The following SPNS3 variants were observed in gnomAD, a reference collection of about 807,000 sequenced individuals.
The protein encoded by SPNS3 is SPNS lysolipid transporter 3, sphingosine-1-phosphate (putative), also known as protein spinster homolog 3.
Under a neutral mutation model 54.4 loss-of-function variants are expected in SPNS3, and 51 were observed. The ratio of observed to expected loss-of-function variants is 0.94; its 90% CI spans 0.75 to 1.18. The LOEUF (loss-of-function observed/expected upper bound fraction) is 1.18. SPNS3 is among the 50% of genes most tolerant of loss of function. SPNS3 has a pLI of 0.00. For synonymous variants in SPNS3, 309 were observed against 294.7 expected (o/e 1.05, Z -0.50); for missense variants, 669 against 677.4 (o/e 0.99, Z 0.14).
chr17:4,459,333 T>A (rs1190057705), intron 8 of SPNS3, among the ~76,000 whole-genome samples: 1 of 151,690 alleles, frequency 6.6e-6, no homozygotes, highest in African/African-American at 2.4e-5. Flanking sequence ...GAGTGAAGAG[T>A]CGAGTGACAA....
chr17:4,465,831 C>G (rs1971661777), intron 8 of SPNS3, among the ~76,000 whole-genome samples: 1 of 152,250 alleles, frequency 6.6e-6, no homozygotes, highest in African/African-American at 2.4e-5. Flanking sequence ...AAAATGCAAT[C>G]TCCCATCATG....
At chr17:4,467,521 T>C (rs1055995401) in intron 8 of SPNS3, among the ~76,000 whole-genome samples, 2 of 152,080 alleles carry the variant, frequency 1.3e-5, no homozygotes, top group Admixed American at 1.3e-4. Context: ...GTGTGGCCGT[T>C]CACCCTCCCC....
At chr17:4,469,212 A>G (rs1253543403) in intron 8 of SPNS3, among the ~76,000 whole-genome samples, 4 of 151,996 alleles carry the variant, frequency 2.6e-5, no homozygotes, top group African/African-American at 9.7e-5. Context: ...CAGCCTTCTG[A>G]GTAGCTGGGA....
chr17:4,433,963 C>A lies in SPNS3; in HGVS notation c.-5C>A. 6.6e-7 allele frequency: 1 copy of A among 1,520,844 alleles called. No homozygotes were observed. Among genetic ancestry groups the A allele is most frequent in the Non-Finnish European group, 8.8e-7 (1 of 1,133,846 alleles). The allele number at this position is 1,520,844 out of a possible 1,614,324, so 94.2% of individuals were successfully genotyped here. ...CCAGTCTCAGGCCAAGAGCTGCAGGCTGGCATGGCTGGGGGGATGTCAGCG... is the reference window on the plus strand; with the variant it reads ...CCAGTCTCAGGCCAAGAGCTGCAGGATGGCATGGCTGGGGGGATGTCAGCG... On this transcript the variant is annotated 5_prime_UTR_variant, in exon 1 of 12. In the 5' UTR this introduces an upstream ATG that the reference lacks. Coordinates refer to ENST00000355530, the MANE Select transcript of SPNS3 (RefSeq NM_182538.5).
chr17:4,467,960 G>A (rs909543562), intron 8 of SPNS3, among the ~76,000 whole-genome samples: 2 of 152,154 alleles, frequency 1.3e-5, no homozygotes, highest in Non-Finnish European at 2.9e-5. Context: ...CATGGGCGAC[G>A]GCGCCTGGCT....
Position 4,439,858 on chromosome 17 carries a change from T to G in SPNS3, c.265+135T>G, listed in dbSNP as rs78337983. The G allele has an allele frequency of 5.7e-3, 4,311 of 752,132 alleles. 114 individuals carry two copies. The African/African-American group carries it at 0.065, about 11-fold the overall frequency. 46.6% of individuals were successfully genotyped at this position (752,132 alleles called of 1,614,324 possible). ...ACAGAGGGTGGGTGGGGTATGGGCC[T>G]GAGGGACAGTCTAGGCAGGAGCAGG... On this transcript the variant is annotated intron_variant, in intron 2 of 11. Transcript: ENST00000355530.
chr17:4,486,137 C>T lies in SPNS3; in HGVS notation c.1180-91C>T. 1.7e-6 allele frequency: 2 copies of T among 1,167,742 alleles called. No individual in the cohort carries two copies. The highest frequency in any genetic ancestry group is 2.3e-6 in the Non-Finnish European group (2 of 861,240). The allele number at this position is 1,167,742 out of a possible 1,614,324, so 72.3% of individuals were successfully genotyped here. A position where few individuals can be genotyped will look rare whatever the true frequency, so the allele number is the denominator to read the frequency against. On this transcript the variant is annotated intron_variant, in intron 9 of 11. Coordinates refer to ENST00000355530, the MANE Select transcript of SPNS3 (RefSeq NM_182538.5). This position sits in a 1 kb window ranked among gnomAD's most constrained non-coding sequence, Gnocchi z 5.5. ...CATCCCACTCACCTGAATGGCCTGT[C>T]ACTCCTCCAGGCAGGTCCTTGGCAG...
intron 8 of SPNS3, among the ~76,000 whole-genome samples, chr17:4,456,822 C>T (rs1217905697): frequency 6.6e-6 from 1 of 152,124 alleles, no homozygotes; most frequent in African/African-American, 2.4e-5. Context: ...TCAAGTGATT[C>T]TCCTGTCTCA....
At chr17:4,460,111 G>T (rs778934107) in intron 8 of SPNS3, among the ~76,000 whole-genome samples, 2 of 152,140 alleles carry the variant, frequency 1.3e-5, no homozygotes, top group African/African-American at 2.4e-5. Flanking sequence ...GAGTGTACCC[G>T]ATGGGTTTGA....
chr17:4,476,682 G>C (rs563855875), intron 8 of SPNS3, among the ~76,000 whole-genome samples: 2 of 152,178 alleles, frequency 1.3e-5, no homozygotes, highest in Non-Finnish European at 1.5e-5. Flanking sequence ...GCCTGCCAGC[G>C]ACTTCCTGAT....
chr17:4,484,691 G>A (rs531775023), intron 9 of SPNS3, among the ~76,000 whole-genome samples: 3 of 152,160 alleles, frequency 2.0e-5, no homozygotes, highest in East Asian at 3.9e-4. Flanking sequence ...GGGTGTAAGC[G>A]CCCCTGTGGC....
chr17:4,472,413 C>CGGGGGG (rs1229043881), intron 8 of SPNS3, among the ~76,000 whole-genome samples: 3 of 152,060 alleles, frequency 2.0e-5, no homozygotes, highest in Non-Finnish European at 4.4e-5. Context: ...TTTCTGTTGC[C>CGGGGGG]GGAGGGAAAT....
At chr17:4,453,785 G>A (rs117479632) in intron 8 of SPNS3, among the ~76,000 whole-genome samples, 21 of 152,136 alleles carry the variant, frequency 1.4e-4, no homozygotes, top group Non-Finnish European at 2.5e-4. Context: ...GCATATTGTG[G>A]GCCCAAGAAG....
At chr17:4,452,924 C>A in intron 7 of SPNS3, 92 bp from the exon 8 acceptor site, 1 of 1,295,930 alleles carries the variant, frequency 7.7e-7, no homozygotes, top group Non-Finnish European at 1.1e-6. Context: ...TGCACTTGAG[C>A]CGAGGGGCTA....
chr17:4,474,620 T>G (rs1971941283), intron 8 of SPNS3, among the ~76,000 whole-genome samples: 1 of 152,198 alleles, frequency 6.6e-6, no homozygotes, highest in Admixed American at 6.5e-5. Context: ...GACCTGTGCG[T>G]GCAGGTGGAC....
intron 7 of SPNS3, among the ~76,000 whole-genome samples, chr17:4,451,485 G>A (rs1318796723): frequency 6.6e-6 from 1 of 152,138 alleles, no homozygotes. Context: ...GGTGGGAGAA[G>A]AGAGGGCAAG....
At chr17:4,472,413 C>G (rs887213472) in intron 8 of SPNS3, among the ~76,000 whole-genome samples, 1 of 152,060 alleles carries the variant, frequency 6.6e-6, no homozygotes, top group African/African-American at 2.4e-5. Context: ...TTTCTGTTGC[C>G]GGAGGGAAAT....
chr17:4,453,481 G>C lies in SPNS3; in HGVS notation c.1113+276G>C, dbSNP rs150648890. Among the ~76,000 whole-genome samples, 779 of 152,306 alleles carry C rather than the reference G, an allele frequency of 5.1e-3. 9 individuals are homozygous for C. The highest frequency in any genetic ancestry group is 0.02 in the Middle Eastern group (6 of 294). ...AAAATACAAAAAATTAGCTGGGCAT[G>C]GTGGCAGGCACCTATAATCCCAGCT... On this transcript the variant is annotated intron_variant, in intron 8 of 11. Coordinates refer to ENST00000355530, the MANE Select transcript of SPNS3 (RefSeq NM_182538.5).
At chr17:4,452,422 A>T (rs2144062287) in intron 7 of SPNS3, among the ~76,000 whole-genome samples, 1 of 152,104 alleles carries the variant, frequency 6.6e-6, no homozygotes, top group East Asian at 1.9e-4. Flanking sequence ...CAAGCAGAGT[A>T]GAAGTGGCTC....
Sources: gnomAD v4.1 joint callset for allele counts (sites outside exome capture counted in the v4.1 genomes callset) on GRCh38, gnomAD v4.1.1 for gene constraint, Gnocchi (gnomAD v3.1) non-coding constraint, MANE v1.5 for transcripts, NCBI Gene and HGNC (gene_info 2026-07-23, HGNC 2026-07-21) for gene names.